Variants in SGCD observed in about 807,000 individuals in gnomAD.
SGCD encodes delta-sarcoglycan.
SGCD carries 18 observed loss-of-function variants against 36.6 expected under a neutral mutation model. The observed-to-expected ratio is 0.49, with a 90% CI of 0.34 to 0.73. SGCD has a LOEUF of 0.73. Ranked by LOEUF, SGCD falls within the 30% of genes least tolerant of loss-of-function variation. The pLI, the probability that SGCD is intolerant of heterozygous loss-of-function variation, is 0.01. For missense variants in SGCD, 387 were observed against 346.7 expected, an observed-to-expected ratio of 1.12 and a Z score of -0.92; for synonymous variants, 133 against 130.6, an observed-to-expected ratio of 1.02 and a Z score of -0.12.
At chr5:156,504,108 G>A (rs1210965545) in intron 3 of SGCD, among the ~76,000 whole-genome samples, 2 of 151,732 alleles carry the variant, frequency 1.3e-5, no homozygotes, top group Admixed American at 6.6e-5. Flanking sequence ...GGAGGCTGAG[G>A]TAGGAGAATC....
chr5:155,964,464 G>A (rs978349730), intron 1 of SGCD, among the ~76,000 whole-genome samples: 3 of 151,746 alleles, frequency 2.0e-5, no homozygotes, highest in African/African-American at 4.8e-5. Context: ...TCAGCCTCCC[G>A]AATAGGTGGG....
chr5:155,947,349 T>G (rs13164488), intron 1 of SGCD, among the ~76,000 whole-genome samples: 28,588 of 130,590 alleles, frequency 0.22, 3,343 homozygotes, highest in Admixed American at 0.4. Context: ...AATGTTTTGG[T>G]TTTTTTTTTA....
At chr5:156,332,115 G>A (rs1201383539) in intron 2 of SGCD, among the ~76,000 whole-genome samples, 1 of 152,214 alleles carries the variant, frequency 6.6e-6, no homozygotes, top group East Asian at 1.9e-4. Flanking sequence ...TTACCAGGTA[G>A]TGAGAAAGAT....
intron 3 of SGCD, among the ~76,000 whole-genome samples, chr5:156,139,965 C>T (rs1226901438): frequency 6.6e-6 from 1 of 152,190 alleles, no homozygotes; most frequent in Non-Finnish European, 1.5e-5. Flanking sequence ...CACTCATCTG[C>T]CATGTGAGGA....
chr5:156,446,062 A>G (rs1241078252), intron 3 of SGCD, among the ~76,000 whole-genome samples: 1 of 152,140 alleles, frequency 6.6e-6, no homozygotes, highest in Non-Finnish European at 1.5e-5. Flanking sequence ...CAGTAGCCTC[A>G]GTGCCTGGCA....
chr5:156,710,781 A>G (rs1392512010), intron 7 of SGCD, among the ~76,000 whole-genome samples: 1 of 152,192 alleles, frequency 6.6e-6, no homozygotes, highest in Non-Finnish European at 1.5e-5. Context: ...GGTCATCTTT[A>G]GAGGCAATAG....
the SGCD span, among the ~76,000 whole-genome samples, chr5:155,808,105 C>T: frequency 6.6e-6 from 1 of 152,174 alleles, no homozygotes; most frequent in African/African-American, 2.4e-5. Context: ...TTCTGCCCTG[C>T]CCTTATGATT....
chr5:155,891,049 A>G (rs1756117169), intron 1 of SGCD, among the ~76,000 whole-genome samples: 1 of 152,228 alleles, frequency 6.6e-6, no homozygotes, highest in East Asian at 1.9e-4. Context: ...TCACCCAACA[A>G]CGAATATCCT....
intron 3 of SGCD, among the ~76,000 whole-genome samples, chr5:156,380,120 C>T (rs1770897937): frequency 6.6e-6 from 1 of 152,050 alleles, no homozygotes; most frequent in Non-Finnish European, 1.5e-5. Context: ...GAACCCTACC[C>T]TTTAATTTTC....
intron 7 of SGCD, among the ~76,000 whole-genome samples, chr5:156,689,486 A>C (rs1754033190): frequency 6.6e-6 from 1 of 152,200 alleles, no homozygotes; most frequent in African/African-American, 2.4e-5. Context: ...ATCTTGGATG[A>C]GGCAAAGGAG....
At chr5:156,269,373 A>G (rs1213392846) in intron 3 of SGCD, among the ~76,000 whole-genome samples, 1 of 148,400 alleles carries the variant, frequency 6.7e-6, no homozygotes, top group Non-Finnish European at 1.5e-5. Flanking sequence ...AGGAGGCTGA[A>G]GCAGGAGAAT....
At chr5:156,202,803 T>C (rs1764182732) in intron 3 of SGCD, among the ~76,000 whole-genome samples, 1 of 150,870 alleles carries the variant, frequency 6.6e-6, no homozygotes, top group Admixed American at 6.6e-5. Flanking sequence ...TAAACCTGAT[T>C]GGAGTTAATG....
At chr5:156,445,036 T>C (rs570801578) in intron 3 of SGCD, among the ~76,000 whole-genome samples, 2 of 152,294 alleles carry the variant, frequency 1.3e-5, no homozygotes, top group South Asian at 4.1e-4. Flanking sequence ...GCGTTCTTCA[T>C]AATAGCCCAG....
At chr5:156,739,516 C>T (rs1485251095) in intron 7 of SGCD, 1 of 152,128 alleles carries the variant, frequency 6.6e-6, no homozygotes, top group African/African-American at 2.4e-5. Context: ...GTGGGCCTCC[C>T]ATTTCCTGCA....
chr5:156,261,072 TG>T (rs1031118770), intron 3 of SGCD, among the ~76,000 whole-genome samples: 1 of 152,184 alleles, frequency 6.6e-6, no homozygotes, highest in Non-Finnish European at 1.5e-5. Flanking sequence ...ACAAATACTT[TG>T]TGAAGATTTT....
At chr5:156,257,226 A>T (rs1390702885) in intron 3 of SGCD, among the ~76,000 whole-genome samples, 1 of 151,966 alleles carries the variant, frequency 6.6e-6, no homozygotes, top group Admixed American at 6.6e-5. Context: ...TGTAATCTCA[A>T]CACTTTGGGA....
intron 4 of SGCD, among the ~76,000 whole-genome samples, chr5:156,567,047 C>A (rs1430925806): frequency 6.6e-6 from 1 of 152,124 alleles, no homozygotes; most frequent in Non-Finnish European, 1.5e-5. Flanking sequence ...TAAGTATCCA[C>A]AAATGATCCT....
chr5:156,685,095 T>C (rs1335777832), intron 7 of SGCD, among the ~76,000 whole-genome samples: 2 of 152,094 alleles, frequency 1.3e-5, no homozygotes, highest in Non-Finnish European at 2.9e-5. Flanking sequence ...AAAGGGGTAG[T>C]TGTCATTCAC....
rs376483467 is a variant in SGCD at position 156,004,322 on chromosome 5, G to T, written c.-281-113556G>T. Among the ~76,000 whole-genome samples, 7 of 152,244 alleles carry T rather than the reference G, an allele frequency of 4.6e-5. No individual in the cohort carries two copies. The South Asian group carries it at 1.5e-3, about 32-fold the overall frequency. On this transcript the variant is annotated intron_variant, in intron 1 of 9. Transcript: ENST00000517913. ...TGCTTCTTTCTAGAACAGTACTACT[G>T]CTGCTACTACTAGTTGTAGAAATAA...
Sources: gnomAD v4.1 joint callset for allele counts (sites outside exome capture counted in the v4.1 genomes callset) on GRCh38, gnomAD v4.1.1 for gene constraint, MANE v1.5 for transcripts, NCBI Gene and HGNC (gene_info 2026-07-23, HGNC 2026-07-21) for gene names.